SECISBP2L: variants seen among roughly 807,000 people sequenced by gnomAD.
SECISBP2L encodes selenocysteine insertion sequence-binding protein 2-like.
In SECISBP2L, 43 loss-of-function variants were observed where a neutral mutation model predicts 114.7. The observed-to-expected ratio is 0.38, with a 90% CI of 0.29 to 0.48. SECISBP2L has a LOEUF of 0.48. Ranked by LOEUF, SECISBP2L falls within the 20% of genes least tolerant of loss-of-function variation. The pLI is 0.98. For missense variants in SECISBP2L, 1,136 were observed against 1,301.1 expected (o/e 0.87, Z 1.95); for synonymous variants, 451 against 439.7 (o/e 1.03, Z -0.32).
chr15:49,036,162 G>A (rs879803465), intron 2 of SECISBP2L, among the ~76,000 whole-genome samples: 1 of 152,106 alleles, frequency 6.6e-6, no homozygotes, highest in Non-Finnish European at 1.5e-5. Context: ...CTAATCACTT[G>A]GCCAAGTCCA....
At chr15:49,022,585 G>C (rs947846290) in intron 7 of SECISBP2L, among the ~76,000 whole-genome samples, 6 of 151,914 alleles carry the variant, frequency 3.9e-5, no homozygotes, top group Non-Finnish European at 8.8e-5. Context: ...CTGGGCAACA[G>C]AGCAAGACTC....
intron 1 of SECISBP2L, among the ~76,000 whole-genome samples, chr15:49,044,158 A>G (rs1903195900): frequency 6.6e-6 from 1 of 152,164 alleles, no homozygotes; most frequent in South Asian, 2.1e-4. Flanking sequence ...ACACTGGTCT[A>G]AAGGGAAAAA....
intron 11 of SECISBP2L, among the ~76,000 whole-genome samples, chr15:49,015,298 T>A (rs1359151223): frequency 6.6e-6 from 1 of 152,180 alleles, no homozygotes; most frequent in African/African-American, 2.4e-5. Context: ...AAGTGAGAGA[T>A]TACTGCCACT....
At chr15:49,035,709 C>T in intron 2 of SECISBP2L, 51 bp from the exon 3 acceptor site, 2 of 1,492,782 alleles carry the variant, frequency 1.3e-6, no homozygotes, top group East Asian at 2.3e-5. Flanking sequence ...TCTAAAAATA[C>T]CACTAAAGCA....
intron 1 of SECISBP2L, chr15:49,042,329 T>C (rs1227337871): frequency 6.6e-6 from 1 of 152,658 alleles, no homozygotes; most frequent in Non-Finnish European, 1.5e-5. Flanking sequence ...TGTTTGTTTG[T>C]TTGTTTGTTT....
At chr15:49,046,161 G>A (rs1903244589) in intron 1 of SECISBP2L, 115 bp downstream of exon 1, 1 of 1,214,362 alleles carries the variant, frequency 8.2e-7, no homozygotes, top group South Asian at 1.4e-5. Flanking sequence ...CAGGTGAGGG[G>A]GTCTGCGGCC....
chr15:49,015,719 C>CAT (rs1027694471), intron 11 of SECISBP2L, among the ~76,000 whole-genome samples: 1 of 152,198 alleles, frequency 6.6e-6, no homozygotes, highest in African/African-American at 2.4e-5. Context: ...ATCATTTTCT[C>CAT]ATATACACAC....
At chr15:49,044,949 G>A (rs938250092) in intron 1 of SECISBP2L, among the ~76,000 whole-genome samples, 4 of 152,092 alleles carry the variant, frequency 2.6e-5, no homozygotes, top group Non-Finnish European at 4.4e-5. Flanking sequence ...ATGATTCAAG[G>A]AAAATTCGTA....
chr15:49,040,231 G>T (rs1270873740), intron 1 of SECISBP2L, among the ~76,000 whole-genome samples: 1 of 152,060 alleles, frequency 6.6e-6, no homozygotes, highest in Non-Finnish European at 1.5e-5. Flanking sequence ...GTTTGTATTG[G>T]TTTCTAAGTG....
chr15:49,017,880 T>C (rs1167318848), intron 8 of SECISBP2L: 1 of 305,580 alleles, frequency 3.3e-6, no homozygotes, highest in East Asian at 6.5e-5. Context: ...TTTTTATTAA[T>C]AATTCTACCT....
intron 11 of SECISBP2L, chr15:49,013,046 A>C (rs1293745588): frequency 2.2e-6 from 1 of 456,018 alleles, no homozygotes; most frequent in Non-Finnish European, 3.9e-6. Flanking sequence ...TATAGGGGTA[A>C]ATAATTAGTT....
rs946003647 is a variant in SECISBP2L at position 49,000,973 on chromosome 15, G to T, written c.2152C>A (p.Leu718Ile). The change falls in exon 15 of 18, where the codon CTC becomes ATC. Residue 718 changes from leucine to isoleucine, a missense_variant. Leu to Ile is a conservative substitution (Grantham distance 5). Around this residue, in one of 2 missense-constraint regions of SECISBP2L, gnomAD observed 684 missense variants for 848.7 expected, o/e 0.81. Coordinates refer to ENST00000559471, the MANE Select transcript of SECISBP2L (RefSeq NM_001193489.2). The stretch of plus-strand genomic sequence containing the variant: ...GTAACTTCTCTTAGACCCATAACGA[G>T]TCGTCTCCTTGCTTTTGCTCTTACA... ...DPVRAKARRR[L>I]VMGLREVTKH... The T allele has an allele frequency of 6.2e-7, 1 of 1,613,706 alleles. No homozygotes were observed. Among genetic ancestry groups the T allele is most frequent in the Non-Finnish European group, 8.5e-7 (1 of 1,179,892 alleles).
Position 48,989,611 on chromosome 15 carries a change from A to T in SECISBP2L, c.*2633T>A, listed in dbSNP as rs1018707131. 6.6e-6 allele frequency: 1 copy of T among 152,500 alleles called. No homozygotes were observed. Among genetic ancestry groups the T allele is most frequent in the Non-Finnish European group, 1.5e-5 (1 of 68,026 alleles). The allele number at this position is 152,500 out of a possible 1,614,324, so 9.4% of individuals were successfully genotyped here. On this transcript the variant is annotated 3_prime_UTR_variant, in exon 18 of 18. Coordinates refer to ENST00000559471, the MANE Select transcript of SECISBP2L (RefSeq NM_001193489.2). ...ACAAACCTACTGAAGCAGAAATCTA[A>T]CTTTGGAAGTGTAATTCATATTTTA... is the stretch of plus-strand genomic sequence containing the variant.
rs779225819 is a variant in SECISBP2L at position 48,992,614 on chromosome 15, G to A, written c.2936C>T (p.Thr979Ile). ...CATGCCAGGTACAAGAGTGCTGGTG[G>A]TGCTGGTGATGGAGGAATTCAAAAG... ...RDLLNSSITSTTSTLVPGMLE... is the reference protein window; with the variant it reads ...RDLLNSSITSITSTLVPGMLE... Residue 979 changes from threonine to isoleucine, a missense_variant, in exon 18 of 18, where the codon ACC (threonine) becomes ATC (isoleucine). This residue lies in a region of SECISBP2L where 684 missense variants were observed against 848.7 expected (regional missense o/e 0.81). Coordinates refer to ENST00000559471, the MANE Select transcript of SECISBP2L (RefSeq NM_001193489.2). 3 of 1,614,120 alleles carry A rather than the reference G, an allele frequency of 1.9e-6. No homozygotes were observed. In the Admixed American group the frequency reaches 5.0e-5, roughly 27 times the overall value.
intron 11 of SECISBP2L, among the ~76,000 whole-genome samples, chr15:49,013,444 G>A (rs1380213999): frequency 1.3e-5 from 2 of 152,030 alleles, no homozygotes; most frequent in African/African-American, 2.4e-5. Flanking sequence ...TTACAGGCAC[G>A]TGCCACCACG....
At chr15:49,025,561 A>G (rs7164309) in intron 7 of SECISBP2L, among the ~76,000 whole-genome samples, 47,063 of 152,072 alleles carry the variant, frequency 0.31, 7,744 homozygotes, top group Non-Finnish European at 0.37. Flanking sequence ...AAAAAGTTTC[A>G]TATTTTTCAA....
At chr15:49,008,454 T>C (rs1902367278) in intron 14 of SECISBP2L, among the ~76,000 whole-genome samples, 1 of 152,244 alleles carries the variant, frequency 6.6e-6, no homozygotes, top group African/African-American at 2.4e-5. Context: ...GTTCATTTCA[T>C]ACATATGTAA....
intron 7 of SECISBP2L, among the ~76,000 whole-genome samples, chr15:49,025,854 C>T (rs1023178673): frequency 6.6e-6 from 1 of 152,108 alleles, no homozygotes; most frequent in Non-Finnish European, 1.5e-5. Context: ...AAAAGAACTG[C>T]CATATGATCC....
At position 48,996,379 on chromosome 15, in the gene SECISBP2L, C is replaced by T; in HGVS notation, c.2611G>A (p.Glu871Lys). The T allele has an allele frequency of 1.2e-6, 2 of 1,613,924 alleles. No individual in the cohort carries two copies. The highest frequency in any genetic ancestry group is 1.7e-6 in the Non-Finnish European group (2 of 1,179,910). ...VISEPISEVN[E>K]KEYETNWRNM... is the part of the protein sequence containing the mutation. ...TTCAACAACTTACCATATTCCTTTT[C>T]ATTTACTTCAGAGATCGGTTCAGAA... The change falls in exon 17 of 18, where the codon GAA becomes AAA. Residue 871 changes from glutamate (E) to lysine (K), a missense_variant. By Grantham distance (56) the Glu-to-Lys change is moderately conservative. Transcript: ENST00000559471.
Sources: allele counts gnomAD v4.1 joint callset (sites outside exome capture counted in the v4.1 genomes callset), GRCh38; gene constraint gnomAD v4.1.1; regional missense constraint gnomAD v4.1.1; transcripts MANE v1.5; gene names NCBI Gene and HGNC (gene_info 2026-07-23, HGNC 2026-07-21).